Variants in NHSL1 observed in about 807,000 individuals in gnomAD.
NHSL1 encodes the protein NHS like 1.
NHSL1 carries 48 observed loss-of-function variants against 95.0 expected under a neutral mutation model. That is an observed-to-expected ratio of 0.51 (90% confidence interval 0.40 to 0.64). The LOEUF is 0.64. NHSL1 is among the 30% of genes least tolerant of loss of function. The pLI is 0.00. For missense variants in NHSL1, 1,971 were observed against 2,077.7 expected, an observed-to-expected ratio of 0.95 and a Z score of 1.00; for synonymous variants, 783 against 833.9, an observed-to-expected ratio of 0.94 and a Z score of 1.05.
intron 3 of NHSL1, among the ~76,000 whole-genome samples, chr6:138,462,586 G>A (rs1440942535): frequency 3.3e-5 from 5 of 152,200 alleles, no homozygotes; most frequent in Non-Finnish European, 7.3e-5. Flanking sequence ...ACCACAGCAG[G>A]CAGGATCTGC....
At chr6:138,458,026 A>T (rs946156301) in intron 3 of NHSL1, among the ~76,000 whole-genome samples, 1 of 146,096 alleles carries the variant, frequency 6.8e-6, no homozygotes, top group Admixed American at 6.8e-5. Flanking sequence ...AAAAAAAAAA[A>T]TCCCAACTGT....
At chr6:138,545,772 C>T (rs1583391180), upstream of NHSL1, 1 of 1,204,950 alleles carries the variant, frequency 8.3e-7, no homozygotes, top group Non-Finnish European at 1.1e-6. Context: ...GCCTGTTACT[C>T]CAGGAAGCCA....
At chr6:138,484,778 A>T (rs984824727) in intron 2 of NHSL1, among the ~76,000 whole-genome samples, 1 of 152,184 alleles carries the variant, frequency 6.6e-6, no homozygotes, top group Non-Finnish European at 1.5e-5. Flanking sequence ...ACAACAAAAA[A>T]CCTTAAGGAG....
At chr6:138,612,836 T>C (rs1784532053) in intron 1 of NHSL1, among the ~76,000 whole-genome samples, 1 of 152,240 alleles carries the variant, frequency 6.6e-6, no homozygotes, top group Non-Finnish European at 1.5e-5. Context: ...TTTAGTTTTT[T>C]CAAAAATTAA....
At chr6:138,442,469 C>T (rs1046143108) in intron 4 of NHSL1, among the ~76,000 whole-genome samples, 2 of 152,122 alleles carry the variant, frequency 1.3e-5, no homozygotes, top group Admixed American at 6.5e-5. Flanking sequence ...TCTACATTAG[C>T]GTGTAGGTGG....
chr6:138,625,944 A>C (rs887657347), intron 1 of NHSL1, among the ~76,000 whole-genome samples: 1 of 152,168 alleles, frequency 6.6e-6, no homozygotes, highest in Admixed American at 6.5e-5. Flanking sequence ...CACCCAACCG[A>C]AAGTATTTGT....
chr6:138,502,348 G>A (rs1405089845), upstream of NHSL1, among the ~76,000 whole-genome samples: 1 of 152,104 alleles, frequency 6.6e-6, no homozygotes, highest in African/African-American at 2.4e-5. Flanking sequence ...ATGCCTCAAT[G>A]CTGTGGTTGA....
At chr6:138,459,862 A>G (rs754778794) in intron 3 of NHSL1, among the ~76,000 whole-genome samples, 1 of 152,172 alleles carries the variant, frequency 6.6e-6, no homozygotes, top group Non-Finnish European at 1.5e-5. Context: ...ATATAATTAG[A>G]TTACCTAGTA....
chr6:138,666,470 T>C (rs928129844), intron 1 of NHSL1, among the ~76,000 whole-genome samples: 6 of 151,548 alleles, frequency 4.0e-5, no homozygotes, highest in African/African-American at 1.2e-4. Context: ...TGGGCGCCTA[T>C]AGTCCCAGCT....
At chr6:138,650,575 C>T (rs1785078155) in intron 1 of NHSL1, 1 of 590,832 alleles carries the variant, frequency 1.7e-6, no homozygotes, top group Non-Finnish European at 3.3e-6. Flanking sequence ...GGGATTAATC[C>T]AACAAATTCC....
chr6:138,432,494 A>ATGTC lies in NHSL1; in HGVS notation c.1847_1850dup (p.His617GlnfsTer10). On this transcript the variant is annotated frameshift_variant, in exon 6 of 8. Coordinates refer to ENST00000343505, the MANE Select transcript of NHSL1 (RefSeq NM_001144060.2). LOFTEE classifies it high-confidence loss of function. This position sits in a 1 kb window ranked among gnomAD's most constrained non-coding sequence, Gnocchi z 4.4. ...TGCTATTGCACAGATTCCCAGATCC[A>ATGTC]TGTCCAGAGTCAGTGTGCACAGATG... is the stretch of plus-strand genomic sequence containing the variant. 1 of 1,552,288 alleles carries ATGTC rather than the reference A, an allele frequency of 6.4e-7. No individual in the cohort carries two copies. Among genetic ancestry groups the ATGTC allele is most frequent in the Non-Finnish European group, 8.7e-7 (1 of 1,147,044 alleles).
chr6:138,498,074 A>G (rs1403272815), intron 1 of NHSL1, among the ~76,000 whole-genome samples: 1 of 152,196 alleles, frequency 6.6e-6, no homozygotes, highest in Non-Finnish European at 1.5e-5. Flanking sequence ...GACCTGACTT[A>G]ACCCTCATTT....
chr6:138,585,244 G>A (rs78602976), intron 1 of NHSL1, among the ~76,000 whole-genome samples: 4,012 of 152,224 alleles, frequency 0.026, 169 homozygotes, highest in African/African-American at 0.088. Flanking sequence ...CTGGGATTGA[G>A]AGTCAGATTC....
In NHSL1 at chr6:138,657,814, C is replaced by CAAAAAAAAAAAA. The variant is rs1051789759; in HGVS notation, c.96+34650_96+34661dup. Among the ~76,000 whole-genome samples the CAAAAAAAAAAAA allele has an allele frequency of 5.7e-3, 180 of 31,830 alleles. 1 individual carries two copies. Among genetic ancestry groups the CAAAAAAAAAAAA allele is most frequent in the Non-Finnish European group, 7.3e-3 (112 of 15,346 alleles). The allele number at this position is 31,830 out of a possible 152,430, so 20.9% of individuals were successfully genotyped here. A position where few individuals can be genotyped will look rare whatever the true frequency, so the allele number is the denominator to read the frequency against. On this transcript the variant is annotated intron_variant, in intron 1 of 3. Coordinates refer to the NHSL1 transcript ENST00000491526. Reference sequence around the variant, plus strand: ...TGGGCGACAGAGCGAGACTCCATCTCAAAAAAAAAAAAAAAAAAAAAAGAA... The same window carrying CAAAAAAAAAAAA: ...TGGGCGACAGAGCGAGACTCCATCTCAAAAAAAAAAAAAAAAAAAAAAAAAAAAAAAAAAGAA...
chr6:138,579,303 C>T (rs1473104979), intron 1 of NHSL1, among the ~76,000 whole-genome samples: 1 of 152,212 alleles, frequency 6.6e-6, no homozygotes, highest in Admixed American at 6.5e-5. Flanking sequence ...ATGGAACCAT[C>T]CATCATTTCC....
At chr6:138,530,750 T>C in intron 1 of NHSL1, among the ~76,000 whole-genome samples, 1 of 152,150 alleles carries the variant, frequency 6.6e-6, no homozygotes, top group East Asian at 1.9e-4. Flanking sequence ...TATAGTGATA[T>C]ATAGCTATGA....
chr6:138,686,771 C>T (rs923383388), intron 1 of NHSL1, among the ~76,000 whole-genome samples: 4 of 152,184 alleles, frequency 2.6e-5, no homozygotes, highest in Non-Finnish European at 4.4e-5. Flanking sequence ...GCTTTCTAGA[C>T]GATTGCAGTG....
At position 138,566,902 on chromosome 6, in the gene NHSL1, G is replaced by A. The variant is rs540771224; in HGVS notation, c.202+4808C>T. 9.2e-5 allele frequency among the ~76,000 whole-genome samples: 14 copies of A among 152,224 alleles called. 1 individual carries two copies. The South Asian group carries it at 2.9e-3, about 32-fold the overall frequency. ...CAGTAGGAAGTAAGAGCAAAACCAT[G>A]ACATTCACTGATCTCTTTTGTTAAG... On this transcript the variant is annotated intron_variant, in intron 1 of 6. Coordinates refer to the NHSL1 transcript ENST00000427025.
chr6:138,496,606 T>C (rs1780369321), intron 1 of NHSL1, among the ~76,000 whole-genome samples: 1 of 152,208 alleles, frequency 6.6e-6, no homozygotes, highest in African/African-American at 2.4e-5. Context: ...CATAGAATCA[T>C]TTGCTCAGTT....
Sources: gnomAD v4.1 joint callset for allele counts (sites outside exome capture counted in the v4.1 genomes callset) on GRCh38, gnomAD v4.1.1 for gene constraint, Gnocchi (gnomAD v3.1) non-coding constraint, MANE v1.5 for transcripts, NCBI Gene and HGNC (gene_info 2026-07-23, HGNC 2026-07-21) for gene names.